The following ATG13 variants were observed in gnomAD, a reference collection of about 807,000 sequenced individuals.
The protein encoded by ATG13 is autophagy-related protein 13.
A neutral mutation model predicts 65.5 loss-of-function variants in ATG13; 23 were observed. That is an observed-to-expected ratio of 0.35 (90% CI 0.25 to 0.50). The LOEUF (loss-of-function observed/expected upper bound fraction) is 0.50, where lower values mean the gene tolerates loss of function less well. ATG13 is among the 20% of genes least tolerant of loss of function. The probability of loss-of-function intolerance (pLI) is 0.98; values close to 1 mark genes in which losing one functional copy is unlikely to be tolerated. For synonymous variants in ATG13, 252 were observed against 245.2 expected (o/e 1.03, Z -0.26); for missense variants, 566 against 677.0 (o/e 0.84, Z 1.82).
rs139176250 is a variant in ATG13 at position 46,659,466 on chromosome 11, C to T, written c.770C>T (p.Ser257Phe). The change falls in exon 11 of 19, where the codon TCC becomes TTC. Residue 257 changes from serine to phenylalanine, a missense_variant. Physicochemically the swap from Ser to Phe is radical, Grantham distance 155. Coordinates refer to ENST00000683050, the MANE Select transcript of ATG13 (RefSeq NM_001346311.2). Reference protein sequence around the residue: ...DSQEVCTTSFSTSPPSQCVFT... With the variant: ...DSQEVCTTSFFTSPPSQCVFT... ...CAAGAAGTGTGTACCACCTCTTTTT[C>T]CACCTCCCCACCATCCCAGGTAGGG... 346 of 1,613,530 alleles carry T rather than the reference C, an allele frequency of 2.1e-4. No homozygotes were observed. Among genetic ancestry groups the T allele is most frequent in the Non-Finnish European group, 2.8e-4 (326 of 1,179,588 alleles).
At chr11:46,658,578 C>T (rs895240382) in intron 10 of ATG13, among the ~76,000 whole-genome samples, 16 of 151,110 alleles carry the variant, frequency 1.1e-4, no homozygotes, top group Non-Finnish European at 2.2e-4. Context: ...TCTTGTTGTC[C>T]AGGCTGGAGT....
intron 15 of ATG13, 129 bp from the exon 16 acceptor site, chr11:46,668,370 G>A (rs940130104): frequency 2.0e-5 from 18 of 879,716 alleles, no homozygotes; most frequent in Admixed American, 1.1e-4. Context: ...CAAGGCAGGA[G>A]CCTAAGGGGC....
Position 46,664,106 on chromosome 11 carries a change from A to G in ATG13, c.888+11A>G. On this transcript the variant is annotated intron_variant, in intron 12 of 18. Coordinates refer to ENST00000683050, the MANE Select transcript of ATG13 (RefSeq NM_001346311.2). ...GCCTTTTCCCATCAAGTGAGTCCATAATGGGAAGAAGGGGATATAATCAGA... is the reference window on the plus strand; with the variant it reads ...GCCTTTTCCCATCAAGTGAGTCCATGATGGGAAGAAGGGGATATAATCAGA... The G allele has an allele frequency of 6.4e-7, 1 of 1,554,154 alleles. No individual in the cohort carries two copies. Among genetic ancestry groups the G allele is most frequent in the Non-Finnish European group, 8.7e-7 (1 of 1,147,952 alleles).
At chr11:46,623,627 C>T (rs935315554) in intron 1 of ATG13, among the ~76,000 whole-genome samples, 7 of 151,976 alleles carry the variant, frequency 4.6e-5, no homozygotes, top group Non-Finnish European at 1.0e-4. Flanking sequence ...GGGGTTTCAC[C>T]ATGTTGGCCA....
rs376397244 is a variant in ATG13, at chr11:46,667,769, C to T, written c.1137-4C>T. The T allele has an allele frequency of 2.1e-4, 329 of 1,593,826 alleles. No individual in the cohort carries two copies. Among genetic ancestry groups the T allele is most frequent in the Non-Finnish European group, 2.6e-4 (302 of 1,163,020 alleles). On this transcript the variant is annotated splice_polypyrimidine_tract_variant and splice_region_variant and intron_variant, in intron 14 of 18. Transcript: ENST00000683050. ...CGAGTACTAACTTCACCTTTCTCCT[C>T]CAGTGAGGATACTGAAACCGTATCA...
chr11:46,639,081 G>C (rs557126417), intron 2 of ATG13, among the ~76,000 whole-genome samples: 1 of 151,914 alleles, frequency 6.6e-6, no homozygotes, highest in Non-Finnish European at 1.5e-5. Flanking sequence ...TCTGCCTCCC[G>C]GGTTCAAGTG....
At chr11:46,626,170 T>G (rs2049527901) in intron 1 of ATG13, among the ~76,000 whole-genome samples, 1 of 152,110 alleles carries the variant, frequency 6.6e-6, no homozygotes, top group Admixed American at 6.5e-5. Flanking sequence ...TTAGCCAGGA[T>G]GGTCTTGATC....
chr11:46,635,466 A>AC lies in ATG13; in HGVS notation c.-14+5371dup, dbSNP rs535249866. Among the ~76,000 whole-genome samples the AC allele has an allele frequency of 1.1e-4, 16 of 152,164 alleles. No homozygotes were observed. In the South Asian group the frequency reaches 2.1e-3, roughly 20 times the overall value. ...ATACCAACCTGGCCAACATAGAGAG[A>AC]CCCCCATCTCTTTTTTAAAAAATTG... On this transcript the variant is annotated intron_variant, in intron 2 of 18. Coordinates refer to ENST00000683050, the MANE Select transcript of ATG13 (RefSeq NM_001346311.2).
chr11:46,665,652 A>G lies in ATG13; in HGVS notation c.1136+133A>G. 4.0e-6 allele frequency: 5 copies of G among 1,251,994 alleles called. No homozygotes were observed. In the East Asian group the frequency reaches 7.7e-5, roughly 19 times the overall value. The allele number at this position is 1,251,994 out of a possible 1,614,324, so 77.6% of individuals were successfully genotyped here. On this transcript the variant is annotated intron_variant, in intron 14 of 18. Transcript: ENST00000683050. ...GGGACATGGCATTTGAGCCCAAAGC[A>G]TGGACTCCTAGCTGGGAGTGGTGGC...
chr11:46,659,782 C>T (rs1330940105), intron 11 of ATG13: 1 of 269,448 alleles, frequency 3.7e-6, no homozygotes, highest in Non-Finnish European at 7.0e-6. Flanking sequence ...TTTTGTCTAA[C>T]TTACACTTGT....
chr11:46,669,348 G>T (rs2063167954), intron 17 of ATG13, 56 bp from the exon 18 acceptor site: 1 of 1,599,846 alleles, frequency 6.3e-7, no homozygotes, highest in African/African-American at 1.3e-5. Flanking sequence ...CTTGTTCATA[G>T]CTTATCTCCT....
rs759992854 is a variant in ATG13 at position 46,669,491 on chromosome 11, C to T, written c.1534C>T (p.Leu512Phe). The T allele has an allele frequency of 3.7e-6, 6 of 1,614,008 alleles. No individual in the cohort carries two copies. In the South Asian group the frequency reaches 6.6e-5, roughly 18 times the overall value. ...EFQNPPQLSSLSIDIGAQSMA... is the reference protein window; with the variant it reads ...EFQNPPQLSSFSIDIGAQSMA... ...TCAGAACCCACCTCAGCTGAGCAGCCTCTCCATAGATATTGGAGCACAGTC... is the reference window on the plus strand; with the variant it reads ...TCAGAACCCACCTCAGCTGAGCAGCTTCTCCATAGATATTGGAGCACAGTC... The change falls in exon 18 of 19, where the codon CTC (leucine) becomes TTC (phenylalanine). Residue 512 changes from leucine to phenylalanine, a missense_variant. By Grantham distance (22) the Leu-to-Phe change is conservative. Around this residue, in one of 2 missense-constraint regions of ATG13, gnomAD observed 387 missense variants for 409.8 expected, o/e 0.94. Transcript: ENST00000683050.
At chr11:46,660,930 G>A (rs2061056304) in intron 11 of ATG13, among the ~76,000 whole-genome samples, 1 of 151,888 alleles carries the variant, frequency 6.6e-6, no homozygotes, top group Admixed American at 6.6e-5. Flanking sequence ...GGCTGGTCTT[G>A]AACTTCTGGA....
intron 1 of ATG13, among the ~76,000 whole-genome samples, chr11:46,623,112 C>A (rs1478793167): frequency 6.6e-6 from 1 of 151,884 alleles, no homozygotes; most frequent in Non-Finnish European, 1.5e-5. Context: ...CACGGTGAAA[C>A]CCTGTCTCTA....
intron 3 of ATG13, 90 bp from the exon 4 acceptor site, chr11:46,645,249 A>G: frequency 9.4e-7 from 1 of 1,066,106 alleles, no homozygotes; most frequent in Non-Finnish European, 1.4e-6. Flanking sequence ...TAAACTCTGT[A>G]TTGGGAGGAT....
chr11:46,635,059 G>T (rs1167774668), intron 2 of ATG13, among the ~76,000 whole-genome samples: 1 of 150,910 alleles, frequency 6.6e-6, no homozygotes, highest in Non-Finnish European at 1.5e-5. Flanking sequence ...CTAGTCTGGA[G>T]TGCAAGGGTG....
intron 11 of ATG13, 40 bp downstream of exon 11, chr11:46,659,525 G>A (rs776119621): frequency 8.7e-6 from 13 of 1,493,842 alleles, no homozygotes; most frequent in Admixed American, 1.7e-5. Context: ...TAGTTATTTG[G>A]TATATATATG....
intron 7 of ATG13, among the ~76,000 whole-genome samples, chr11:46,655,886 C>T (rs2059947360): frequency 6.6e-6 from 1 of 152,128 alleles, no homozygotes; most frequent in Non-Finnish European, 1.5e-5. Flanking sequence ...TCCAGGCATG[C>T]ACCATCACAC....
At chr11:46,645,500 G>T in intron 4 of ATG13, 81 bp downstream of exon 4, 5 of 1,153,116 alleles carry the variant, frequency 4.3e-6, no homozygotes, top group African/African-American at 1.6e-5. Context: ...GCAATAATAA[G>T]TAATACCATT....
Sources: allele counts gnomAD v4.1 joint callset (sites outside exome capture counted in the v4.1 genomes callset), GRCh38; gene constraint gnomAD v4.1.1; regional missense constraint gnomAD v4.1.1; transcripts MANE v1.5; gene names NCBI Gene and HGNC (gene_info 2026-07-23, HGNC 2026-07-21).